The following TAF1C variants were observed in gnomAD, a reference collection of about 807,000 sequenced individuals.
The protein encoded by TAF1C is TATA-box binding protein associated factor, RNA polymerase I subunit C, also known as TATA box-binding protein-associated factor RNA polymerase I subunit C.
A neutral mutation model predicts 70.5 loss-of-function variants in TAF1C; 79 were observed. The observed-to-expected ratio is 1.12, with a 90% confidence interval of 0.93 to 1.35. The LOEUF (loss-of-function observed/expected upper bound fraction) is 1.35, where lower values mean the gene tolerates loss of function less well. Ranked by LOEUF, TAF1C falls within the 40% of genes most tolerant of loss-of-function variation. TAF1C has a pLI of 0.00. For missense variants in TAF1C, 1,412 were observed against 1,127.8 expected, an observed-to-expected ratio of 1.25 and a Z score of -3.61; for synonymous variants, 614 against 491.1, an observed-to-expected ratio of 1.25 and a Z score of -3.31.
Position 84,177,948 on chromosome 16 carries a change from C to T in TAF1C, c.*993G>A. 1 of 944,434 alleles carries T rather than the reference C, an allele frequency of 1.1e-6. No individual in the cohort carries two copies. Among genetic ancestry groups the T allele is most frequent in the East Asian group, 2.6e-5 (1 of 38,860 alleles). The allele number at this position is 944,434 out of a possible 1,614,324, so 58.5% of individuals were successfully genotyped here. A position where few individuals can be genotyped will look rare whatever the true frequency, so the allele number is the denominator to read the frequency against. ...AGTCAGTGTATGATTGGGCTAGCTC[C>T]TGTTTGTGTGAGTCACATGCAATTC... On this transcript the variant is annotated 3_prime_UTR_variant, in exon 15 of 15. Transcript: ENST00000566732.
chr16:84,181,072 G>T lies in TAF1C; in HGVS notation c.1279C>A (p.Pro427Thr), dbSNP rs2089153806. The T allele has an allele frequency of 6.2e-7, 1 of 1,611,982 alleles. No individual in the cohort carries two copies. Among genetic ancestry groups the T allele is most frequent in the Admixed American group, 1.7e-5 (1 of 59,946 alleles). The change falls in exon 12 of 15, where the codon CCC (proline) becomes ACC (threonine). Residue 427 changes from proline (P) to threonine (T), a missense_variant. Pro to Thr is a conservative substitution (Grantham distance 38). Transcript: ENST00000566732. Reference sequence around the variant, plus strand: ...GTACAGACGAGATGAAGAGTAGGGGGGAGGCATTTGGGGCTGGAGTGCCCC... The same window carrying T: ...GTACAGACGAGATGAAGAGTAGGGGTGAGGCATTTGGGGCTGGAGTGCCCC... ...YLGHSSPKCL[P>T]PTLHLVCTQF... is the part of the protein sequence containing the mutation.
In TAF1C at chr16:84,180,690, C is replaced by T. The variant is rs1255687104; in HGVS notation, c.1309-346G>A. ...GTGCTCGAGGCACGCCTACGAATGT[C>T]CCCGGGAGGGCGGGTGGAGGACAGA... On this transcript the variant is annotated intron_variant, in intron 12 of 14. Coordinates refer to ENST00000566732, the MANE Select transcript of TAF1C (RefSeq NM_001243156.2). The T allele has an allele frequency of 8.2e-6, 7 of 851,344 alleles. No homozygotes were observed. The East Asian group carries it at 1.1e-4, about 13-fold the overall frequency. 52.7% of individuals were successfully genotyped at this position (851,344 alleles called of 1,614,324 possible).
chr16:84,181,783 T>A lies in TAF1C; in HGVS notation c.919A>T (p.Met307Leu). Residue 307 changes from methionine to leucine, a missense_variant, in exon 9 of 15, where the codon ATG (methionine) becomes TTG (leucine). Physicochemically the swap from Met to Leu is conservative, Grantham distance 15 (BLOSUM62 2). Coordinates refer to ENST00000566732, the MANE Select transcript of TAF1C (RefSeq NM_001243156.2). ...CCCGTGGCCCCTTTCTCCACCTGCA[T>A]TGCCTGCAGAAGGGTTGGCTGCCAC... ...KQWQPTLLQA[M>L]QVEKGATGIS... is the part of the protein sequence containing the mutation. 1.2e-6 allele frequency: 2 copies of A among 1,614,040 alleles called. No individual in the cohort carries two copies. The highest frequency in any genetic ancestry group is 1.7e-6 in the Non-Finnish European group (2 of 1,179,970).
At position 84,179,841 on chromosome 16, in the gene TAF1C, G is replaced by C. The variant is rs755123097; in HGVS notation, c.1632C>G (p.Ala544=). Residue 544 remains alanine, a synonymous_variant, in exon 15 of 15, where the codon GCC becomes GCG. Transcript: ENST00000566732. ...RLKAPTIGLA[A]VVPPLPSAPT... ...GCGCTGAGGGCAAGGGCGGGACGAC[G>C]GCAGCCAGACCTGGTGACGGGAATG... 4.3e-5 allele frequency: 69 copies of C among 1,606,334 alleles called. No homozygotes were observed. The highest frequency in any genetic ancestry group is 5.8e-5 in the Non-Finnish European group (68 of 1,175,532).
At position 84,179,171 on chromosome 16, in the gene TAF1C, GC is replaced by G. The variant is rs1567580972; in HGVS notation, c.2301del (p.Ser769ProfsTer4). 6.3e-7 allele frequency: 1 copy of G among 1,598,606 alleles called. No individual in the cohort carries two copies. Among genetic ancestry groups the G allele is most frequent in the Admixed American group, 1.7e-5 (1 of 58,916 alleles). ...ADALPLPPTTPPSQELTPDAC... is the reference protein window; with the variant it reads ...ADALPLPPTTXPSQELTPDAC... ...GCATCCGGAGTCAACTCCTGGGAGG[GC>G]GGGGTCGTGGGGGGCAGGGGCAGAG... On this transcript the variant is annotated frameshift_variant, in exon 15 of 15. Coordinates refer to ENST00000566732, the MANE Select transcript of TAF1C (RefSeq NM_001243156.2). LOFTEE classifies it low-confidence loss of function (END_TRUNC).
Position 84,184,993 on chromosome 16 carries a change from G to A in TAF1C, c.-5C>T. The stretch of plus-strand genomic sequence containing the variant: ...GAGGGAGCTGGGGAAGTCCATCCTG[G>A]AAACAAGGACCAAGCACCACACTGG... On this transcript the variant is annotated 5_prime_UTR_variant, in exon 2 of 15. Coordinates refer to ENST00000566732, the MANE Select transcript of TAF1C (RefSeq NM_001243156.2). 6.2e-7 allele frequency: 1 copy of A among 1,612,910 alleles called. No individual in the cohort carries two copies. Among genetic ancestry groups the A allele is most frequent in the Non-Finnish European group, 8.5e-7 (1 of 1,179,468 alleles).
chr16:84,186,224 T>A (rs3785037), intron 1 of TAF1C, among the ~76,000 whole-genome samples: 1 of 152,170 alleles, frequency 6.6e-6, no homozygotes, highest in Non-Finnish European at 1.5e-5. Flanking sequence ...TGCACCGAAA[T>A]GCAAACGCTA....
Position 84,181,957 on chromosome 16 carries a change from T to C in TAF1C, c.823A>G (p.Thr275Ala), listed in dbSNP as rs756484458. Residue 275 changes from threonine to alanine, a missense_variant, in exon 8 of 15, where the codon ACC (threonine) becomes GCC (alanine). By Grantham distance (58) the Thr-to-Ala change is moderately conservative. Coordinates refer to ENST00000566732, the MANE Select transcript of TAF1C (RefSeq NM_001243156.2). Reference sequence around the variant, plus strand: ...AGGGCCTTACTTTCTCCCTGGACGGTGCATGTCACCACTTGCCGGACAGGT... The same window carrying C: ...AGGGCCTTACTTTCTCCCTGGACGGCGCATGTCACCACTTGCCGGACAGGT... ...QGPVRQVVTC[T>A]VQGETLLAVR... The C allele has an allele frequency of 9.3e-6, 15 of 1,613,926 alleles. No homozygotes were observed. The highest frequency in any genetic ancestry group is 3.3e-5 in the Admixed American group (2 of 60,024).
Position 84,185,009 on chromosome 16 carries a change from A to G in TAF1C, c.-21T>C. 6.2e-7 allele frequency: 1 copy of G among 1,610,938 alleles called. No individual in the cohort carries two copies. The highest frequency in any genetic ancestry group is 8.5e-7 in the Non-Finnish European group (1 of 1,178,432). On this transcript the variant is annotated 5_prime_UTR_variant, in exon 2 of 15. Transcript: ENST00000566732. ...TCCATCCTGGAAACAAGGACCAAGCACCACACTGGCCACCTCGAGAGACTG... is the reference window on the plus strand; with the variant it reads ...TCCATCCTGGAAACAAGGACCAAGCGCCACACTGGCCACCTCGAGAGACTG...
Position 84,180,736 on chromosome 16 carries a change from G to A in TAF1C, c.1308+307C>T, listed in dbSNP as rs141390084. 1.0e-3 allele frequency: 1,183 copies of A among 1,186,318 alleles called. 7 individuals carry two copies. In the East Asian group the frequency reaches 0.013, roughly 13 times the overall value. 73.5% of individuals were successfully genotyped at this position (1,186,318 alleles called of 1,614,324 possible). A position where few individuals can be genotyped will look rare whatever the true frequency, so the allele number is the denominator to read the frequency against. ...ACAGACCTGCTTCCTCAGAGCCCCCGCCTCCTGCACAGCAGAAACTCTCCA... is the reference window on the plus strand; with the variant it reads ...ACAGACCTGCTTCCTCAGAGCCCCCACCTCCTGCACAGCAGAAACTCTCCA... On this transcript the variant is annotated intron_variant, in intron 12 of 14. Transcript: ENST00000566732.
Position 84,182,145 on chromosome 16 carries a change from C to T in TAF1C, c.721+57G>A, listed in dbSNP as rs1049617096. On this transcript the variant is annotated intron_variant, in intron 7 of 14. Transcript: ENST00000566732. This position sits in a 1 kb window ranked among gnomAD's most constrained non-coding sequence, Gnocchi z 5.0. ...GCCCTTCTCTGGACCATGCCAAGAGCACCTCCTCTACCAGAGGCGAGCCCG... is the reference window on the plus strand; with the variant it reads ...GCCCTTCTCTGGACCATGCCAAGAGTACCTCCTCTACCAGAGGCGAGCCCG... The T allele has an allele frequency of 1.3e-6, 2 of 1,590,084 alleles. No individual in the cohort carries two copies. The highest frequency in any genetic ancestry group is 2.2e-5 in the East Asian group (1 of 44,608).
At chr16:84,184,293 C>T (rs1214510018) in intron 2 of TAF1C, among the ~76,000 whole-genome samples, 1 of 152,162 alleles carries the variant, frequency 6.6e-6, no homozygotes. Flanking sequence ...CCCTGACCCC[C>T]GTTCCCCAAG....
In TAF1C at chr16:84,181,391, G is replaced by T; in HGVS notation, c.1101C>A (p.Phe367Leu). The T allele has an allele frequency of 1.2e-6, 2 of 1,613,868 alleles. No homozygotes were observed. Among genetic ancestry groups the T allele is most frequent in the Non-Finnish European group, 1.7e-6 (2 of 1,180,004 alleles). ...RDSSSWRWAD[F>L]TAHPRVLTVG... is the part of the protein sequence containing the mutation. ...CGGTCAGCACCCGAGGGTGCGCAGT[G>T]AAGTCTGCCCAACGCCACGAAGAGG... The change falls in exon 11 of 15, where the codon TTC (phenylalanine) becomes TTA (leucine). Residue 367 changes from phenylalanine to leucine, a missense_variant. Physicochemically the swap from Phe to Leu is conservative, Grantham distance 22. Transcript: ENST00000566732.
At position 84,180,274 on chromosome 16, in the gene TAF1C, G is replaced by A. The variant is rs537197694; in HGVS notation, c.1379C>T (p.Ser460Phe). The A allele has an allele frequency of 1.4e-4, 214 of 1,549,546 alleles. 2 individuals carry two copies. In the South Asian group the frequency reaches 1.6e-3, roughly 12 times the overall value. The change falls in exon 13 of 15, where the codon TCC becomes TTC. Residue 460 changes from serine to phenylalanine, a missense_variant. By Grantham distance (155) the Ser-to-Phe change is radical (BLOSUM62 -2). Transcript: ENST00000566732. ...CAGCAGTCGGGCCAGCAGGAGCGGG[G>A]AGGGGAGGCCATGGTTCCACTTCAG... ...PMLKWNHGLPSPLLLARLLPP... is the reference protein window; with the variant it reads ...PMLKWNHGLPFPLLLARLLPP...
Position 84,183,715 on chromosome 16 carries a change from T to C in TAF1C, c.202A>G (p.Met68Val). 5 of 1,612,782 alleles carry C rather than the reference T, an allele frequency of 3.1e-6. No homozygotes were observed. The highest frequency in any genetic ancestry group is 1.1e-5 in the South Asian group (1 of 90,934). The change falls in exon 3 of 15, where the codon ATG (methionine) becomes GTG (valine). Residue 68 changes from methionine (M) to valine (V), a missense_variant. Transcript: ENST00000566732. ...CCCTTACCGATGAGGGGAGGCAGCA[T>C]GGGGAGAGGCCCAGGGGTTGCCGGC... ...WEPATPGPLP[M>V]LPPLIDPWDP...
chr16:84,182,610 G>C lies in TAF1C; in HGVS notation c.483-170C>G, dbSNP rs906117151. ...GCCCCGGAAGCAATCATGTGACCCA[G>C]ACCTGGCCACCAACAATATTCCATT... is the stretch of plus-strand genomic sequence containing the variant. On this transcript the variant is annotated intron_variant, in intron 6 of 14. Coordinates refer to ENST00000566732, the MANE Select transcript of TAF1C (RefSeq NM_001243156.2). The surrounding 1 kb of genome is among the most constrained non-coding windows in gnomAD (Gnocchi z 5.0). 3.9e-5 allele frequency among the ~76,000 whole-genome samples: 6 copies of C among 152,196 alleles called. No homozygotes were observed. Among genetic ancestry groups the C allele is most frequent in the Admixed American group, 3.9e-4 (6 of 15,280 alleles).
chr16:84,178,366 G>A lies in TAF1C; in HGVS notation c.*575C>T, dbSNP rs4150180. The A allele has an allele frequency of 6.4e-4, 292 of 456,902 alleles. No homozygotes were observed. The highest frequency in any genetic ancestry group is 5.4e-3 in the African/African-American group (270 of 50,206). 28.3% of individuals were successfully genotyped at this position (456,902 alleles called of 1,614,324 possible). ...CGGGACGCTGTCCAGCCTAAAAAAC[G>A]TGACCATTCCAATTCATCTTCAGCT... On this transcript the variant is annotated 3_prime_UTR_variant, in exon 15 of 15. Coordinates refer to ENST00000566732, the MANE Select transcript of TAF1C (RefSeq NM_001243156.2).
chr16:84,183,568 G>A (rs767279032), intron 3 of TAF1C, 61 bp from the exon 4 acceptor site: 2 of 1,557,728 alleles, frequency 1.3e-6, no homozygotes, highest in African/African-American at 1.4e-5. Flanking sequence ...GATGCCCTGG[G>A]CGACTGGAGG....
chr16:84,183,819 GCCCT>G, intron 2 of TAF1C, 41 bp from the exon 3 acceptor site: 3 of 1,507,486 alleles, frequency 2.0e-6, no homozygotes, highest in Non-Finnish European at 2.7e-6. Context: ...CATGATGAAT[GCCCT>G]CCCTGGGCCA....
Sources: allele counts gnomAD v4.1 joint callset (sites outside exome capture counted in the v4.1 genomes callset), GRCh38; gene constraint gnomAD v4.1.1; non-coding constraint Gnocchi (gnomAD v3.1); transcripts MANE v1.5; gene names NCBI Gene and HGNC (gene_info 2026-07-23, HGNC 2026-07-21).